The following CACNG2 variants were observed in gnomAD, a reference collection of about 807,000 sequenced individuals.
CACNG2 encodes voltage-dependent calcium channel gamma-2 subunit.
Under a neutral mutation model 25.9 loss-of-function variants are expected in CACNG2, and 3 were observed. That is an observed-to-expected ratio of 0.12 (90% confidence interval 0.05 to 0.30). CACNG2 has a LOEUF of 0.30. CACNG2 is among the 10% of genes least tolerant of loss of function. The pLI is 1.00. For synonymous variants in CACNG2, 167 were observed against 173.3 expected, an observed-to-expected ratio of 0.96 and a Z score of 0.29; for missense variants, 341 against 432.5, an observed-to-expected ratio of 0.79 and a Z score of 1.88.
chr22:36,581,393 T>C (rs1190706833), intron 2 of CACNG2, among the ~76,000 whole-genome samples: 1 of 152,202 alleles, frequency 6.6e-6, no homozygotes, highest in African/African-American at 2.4e-5. Context: ...AGATATTAAT[T>C]GAGTGCCTTC....
chr22:36,642,980 A>T (rs1936461903), intron 1 of CACNG2, among the ~76,000 whole-genome samples: 1 of 152,082 alleles, frequency 6.6e-6, no homozygotes, highest in African/African-American at 2.4e-5. Context: ...GAAATTGGCA[A>T]GAGAGGTCTT....
chr22:36,655,859 G>A (rs1483915300), intron 1 of CACNG2, among the ~76,000 whole-genome samples: 1 of 147,928 alleles, frequency 6.8e-6, no homozygotes, highest in East Asian at 2.0e-4. Context: ...CCAGGCTGGA[G>A]TGCAGTGGTG....
chr22:36,677,203 A>T (rs1489898797), intron 1 of CACNG2, among the ~76,000 whole-genome samples: 2 of 152,178 alleles, frequency 1.3e-5, no homozygotes, highest in Non-Finnish European at 2.9e-5. Context: ...TCATTTCCTG[A>T]AGAAGGCTTT....
chr22:36,702,830 G>A lies in CACNG2; in HGVS notation c.-254C>T. On this transcript the variant is annotated 5_prime_UTR_variant, in exon 1 of 4. Coordinates refer to ENST00000300105, the MANE Select transcript of CACNG2 (RefSeq NM_006078.5). ...TTTGAGATCAGAAACTGTTCCAGTT[G>A]CAGTGTTTTTTTTTTAAAAAGAAAA... 3.1e-6 allele frequency: 1 copy of A among 320,746 alleles called. No individual in the cohort carries two copies. The highest frequency in any genetic ancestry group is 5.6e-6 in the Non-Finnish European group (1 of 179,596). The allele number at this position is 320,746 out of a possible 1,614,324, so 19.9% of individuals were successfully genotyped here. A position where few individuals can be genotyped will look rare whatever the true frequency, so the allele number is the denominator to read the frequency against.
chr22:36,590,932 G>A (rs934828291), intron 1 of CACNG2, among the ~76,000 whole-genome samples: 2 of 152,016 alleles, frequency 1.3e-5, no homozygotes, highest in South Asian at 2.1e-4. Flanking sequence ...CTCCCACCAC[G>A]TCCTCTGTTG....
rs550464861 is a variant in CACNG2 at position 36,657,848 on chromosome 22, G to C, written c.211+44518C>G. Among the ~76,000 whole-genome samples, 3 of 152,198 alleles carry C rather than the reference G, an allele frequency of 2.0e-5. No homozygotes were observed. In the East Asian group the frequency reaches 5.8e-4, roughly 29 times the overall value. On this transcript the variant is annotated intron_variant, in intron 1 of 3. Coordinates refer to ENST00000300105, the MANE Select transcript of CACNG2 (RefSeq NM_006078.5). ...GCACAGAGAGCTCTGGAGCCCCCGGGAGCCAGGCAGGTAGTAAAATCCTAG... is the reference window on the plus strand; with the variant it reads ...GCACAGAGAGCTCTGGAGCCCCCGGCAGCCAGGCAGGTAGTAAAATCCTAG...
Position 36,564,200 on chromosome 22 carries a change from T to G in CACNG2, c.*151A>C, listed in dbSNP as rs1935081488. On this transcript the variant is annotated 3_prime_UTR_variant, in exon 4 of 4. Coordinates refer to ENST00000300105, the MANE Select transcript of CACNG2 (RefSeq NM_006078.5). The surrounding 1 kb of genome is among the most constrained non-coding windows in gnomAD (Gnocchi z 6.7). ...TGTTTTTTCTCTTTTTTTGTGTGTGTGTGTTTTTTTGTTTTTTGTTTTTTT... is the reference window on the plus strand; with the variant it reads ...TGTTTTTTCTCTTTTTTTGTGTGTGGGTGTTTTTTTGTTTTTTGTTTTTTT... The G allele has an allele frequency of 8.4e-6, 5 of 593,934 alleles. No individual in the cohort carries two copies. The highest frequency in any genetic ancestry group is 1.4e-5 in the Non-Finnish European group (5 of 353,494). 36.8% of individuals were successfully genotyped at this position (593,934 alleles called of 1,614,324 possible). A position where few individuals can be genotyped will look rare whatever the true frequency, so the allele number is the denominator to read the frequency against.
chr22:36,658,612 C>T (rs549105352), intron 1 of CACNG2, among the ~76,000 whole-genome samples: 2 of 152,292 alleles, frequency 1.3e-5, no homozygotes, highest in African/African-American at 4.8e-5. Flanking sequence ...TTTTTAAATT[C>T]CTTCCGTCCT....
At chr22:36,658,060 G>A (rs1936734623) in intron 1 of CACNG2, among the ~76,000 whole-genome samples, 1 of 152,130 alleles carries the variant, frequency 6.6e-6, no homozygotes, top group South Asian at 2.1e-4. Context: ...GTCATAATAA[G>A]TGCATCATTA....
chr22:36,632,302 A>G (rs781177103), intron 1 of CACNG2, among the ~76,000 whole-genome samples: 3 of 152,126 alleles, frequency 2.0e-5, no homozygotes, highest in Non-Finnish European at 4.4e-5. Context: ...GACCAAGTCC[A>G]GCTTTCACAC....
intron 1 of CACNG2, among the ~76,000 whole-genome samples, chr22:36,642,601 C>T (rs80087820): frequency 0.022 from 3,426 of 152,282 alleles, 122 homozygotes; most frequent in African/African-American, 0.077. Flanking sequence ...AGGATCTGCA[C>T]CACTGAGATT....
At position 36,702,539 on chromosome 22, in the gene CACNG2, G is replaced by T; in HGVS notation, c.38C>A (p.Thr13Asn). ...LFDRGVQMLL[T>N]TVGAFAAFSL... ...GAAGGCAGCGAAAGCACCAACGGTG[G>T]TTAAAAGCATTTGAACACCTCGATC... Residue 13 changes from threonine (T) to asparagine (N), a missense_variant, in exon 1 of 4, where the codon ACC (threonine) becomes AAC (asparagine). By Grantham distance (65) the Thr-to-Asn change is moderately conservative. Around this residue, in one of 2 missense-constraint regions of CACNG2, gnomAD observed 169 missense variants for 254.4 expected, o/e 0.66. Coordinates refer to ENST00000300105, the MANE Select transcript of CACNG2 (RefSeq NM_006078.5). 1.2e-6 allele frequency: 2 copies of T among 1,614,066 alleles called. No homozygotes were observed. Among genetic ancestry groups the T allele is most frequent in the Non-Finnish European group, 1.7e-6 (2 of 1,179,994 alleles).
chr22:36,597,475 A>C (rs766402258), intron 1 of CACNG2, among the ~76,000 whole-genome samples: 2 of 152,216 alleles, frequency 1.3e-5, no homozygotes, highest in Non-Finnish European at 2.9e-5. Context: ...TGCTGTAAGA[A>C]GGCAATATCA....
intron 1 of CACNG2, among the ~76,000 whole-genome samples, chr22:36,642,781 A>G (rs1447745986): frequency 6.6e-6 from 1 of 152,228 alleles, no homozygotes. Context: ...AATCATGGAT[A>G]ATTAGGATAG....
At chr22:36,650,253 T>C (rs1156449673) in intron 1 of CACNG2, among the ~76,000 whole-genome samples, 1 of 152,190 alleles carries the variant, frequency 6.6e-6, no homozygotes, top group Non-Finnish European at 1.5e-5. Context: ...GTCCTCACAG[T>C]GGCCTATAAG....
intron 2 of CACNG2, among the ~76,000 whole-genome samples, chr22:36,586,669 C>T (rs1935507856): frequency 6.6e-6 from 1 of 152,214 alleles, no homozygotes. Flanking sequence ...GGGCCTGGAG[C>T]AGAGGCGGGG....
intron 2 of CACNG2, among the ~76,000 whole-genome samples, chr22:36,573,156 A>C (rs920793838): frequency 1.3e-5 from 2 of 152,194 alleles, no homozygotes; most frequent in Non-Finnish European, 2.9e-5. Context: ...GCACATACAC[A>C]AACTCGTTAG....
In CACNG2 at chr22:36,702,360, A is replaced by G; in HGVS notation, c.211+6T>C. 1 of 1,604,434 alleles carries G rather than the reference A, an allele frequency of 6.2e-7. No individual in the cohort carries two copies. The highest frequency in any genetic ancestry group is 8.5e-7 in the Non-Finnish European group (1 of 1,172,082). ...GAGAGGGGGGAGGAGATGGGAAGTC[A>G]AGTACCTTCTAGGCAGCAGGTTCTC... On this transcript the variant is annotated splice_donor_region_variant and intron_variant, in intron 1 of 3. Transcript: ENST00000300105.
At chr22:36,676,091 C>T (rs546867334) in intron 1 of CACNG2, among the ~76,000 whole-genome samples, 2 of 152,266 alleles carry the variant, frequency 1.3e-5, no homozygotes, top group African/African-American at 4.8e-5. Flanking sequence ...TGGTCTCGCC[C>T]CACCCCTCGT....
Sources: allele counts gnomAD v4.1 joint callset (sites outside exome capture counted in the v4.1 genomes callset), GRCh38; gene constraint gnomAD v4.1.1; regional missense constraint gnomAD v4.1.1; non-coding constraint Gnocchi (gnomAD v3.1); transcripts MANE v1.5; gene names NCBI Gene and HGNC (gene_info 2026-07-23, HGNC 2026-07-21).